LGMN: variants seen among roughly 807,000 people sequenced by gnomAD.
LGMN encodes asparaginyl endopeptidase.
Under a neutral mutation model 56.8 loss-of-function variants are expected in LGMN, and 36 were observed. The observed-to-expected ratio is 0.63, with a 90% CI of 0.49 to 0.84. The LOEUF (loss-of-function observed/expected upper bound fraction) is 0.84, where lower values mean the gene tolerates loss of function less well. Among genes scored for constraint, LGMN ranks in the 40% least tolerant of loss-of-function variants. The pLI is 0.00. For synonymous variants in LGMN, 199 were observed against 210.1 expected (o/e 0.95, Z 0.46); for missense variants, 446 against 556.1 (o/e 0.80, Z 1.99).
chr14:92,744,301 A>G (rs1891718815), intron 1 of LGMN, among the ~76,000 whole-genome samples: 1 of 152,146 alleles, frequency 6.6e-6, no homozygotes, highest in Non-Finnish European at 1.5e-5. Context: ...AATTTATAGG[A>G]GTTATTTTAT....
Position 92,716,180 on chromosome 14 carries a change from A to T in LGMN, c.360T>A (p.Asp120Glu). The change falls in exon 5 of 14, where the codon GAT becomes GAA. Residue 120 changes from aspartate to glutamate, a missense_variant. Physicochemically the swap from Asp to Glu is conservative, Grantham distance 45. Coordinates refer to ENST00000334869, the MANE Select transcript of LGMN (RefSeq NM_005606.7). ...PQNFLAVLRG[D>E]AEAVKGIGSG... ...ATCCTATGCCCTTCACTGCTTCTGC[A>T]TCGCCTCTCAACACAGCAAGGAAAT... 1 of 1,613,674 alleles carries T rather than the reference A, an allele frequency of 6.2e-7. No homozygotes were observed. Among genetic ancestry groups the T allele is most frequent in the Non-Finnish European group, 8.5e-7 (1 of 1,179,622 alleles).
At chr14:92,706,684 C>T (rs1314701826) in intron 11 of LGMN, 31 bp from the exon 12 acceptor site, 2 of 1,531,548 alleles carry the variant, frequency 1.3e-6, no homozygotes, top group Middle Eastern at 1.8e-4. Context: ...TCAGAATGTG[C>T]CTCCCTGAAT....
intron 2 of LGMN, among the ~76,000 whole-genome samples, chr14:92,724,746 G>A (rs767100118): frequency 1.3e-4 from 20 of 152,196 alleles, no homozygotes; most frequent in Non-Finnish European, 2.9e-4. Flanking sequence ...CCCGTGATTT[G>A]CCGATAGGGC....
chr14:92,743,843 C>T (rs570081677), intron 1 of LGMN, among the ~76,000 whole-genome samples: 1 of 151,548 alleles, frequency 6.6e-6, no homozygotes, highest in African/African-American at 2.4e-5. Flanking sequence ...CATCATCATC[C>T]AACTAGATCT....
At chr14:92,736,422 C>G (rs1011410388) in intron 1 of LGMN, among the ~76,000 whole-genome samples, 1 of 152,000 alleles carries the variant, frequency 6.6e-6, no homozygotes, top group Admixed American at 6.6e-5. Context: ...AAGGTGAAAC[C>G]CTGTCTCTAC....
chr14:92,704,310 G>A lies in LGMN; in HGVS notation c.*9C>T. Reference sequence around the variant, plus strand: ...CTCACACTTGGAAAAGCTTCCAGGAGGCAGCTCTTCAGTAGTGACCAAGGC... The same window carrying A: ...CTCACACTTGGAAAAGCTTCCAGGAAGCAGCTCTTCAGTAGTGACCAAGGC... On this transcript the variant is annotated 3_prime_UTR_variant, in exon 14 of 14. Coordinates refer to ENST00000334869, the MANE Select transcript of LGMN (RefSeq NM_005606.7). The A allele has an allele frequency of 6.2e-7, 1 of 1,614,118 alleles. No individual in the cohort carries two copies. The highest frequency in any genetic ancestry group is 8.5e-7 in the Non-Finnish European group (1 of 1,180,000).
chr14:92,732,728 A>G lies in LGMN; in HGVS notation c.59T>C (p.Ile20Thr), dbSNP rs113153582. ...CTTGCCTCCATCTTCAGGATCATCT[A>G]TAGGAACGGCACCAATGCCCAGGGC... ...SVALGIGAVP[I>T]DDPEDGGKHW... The change falls in exon 2 of 14, where the codon ATA (isoleucine) becomes ACA (threonine). Residue 20 changes from isoleucine to threonine, a missense_variant. Coordinates refer to ENST00000334869, the MANE Select transcript of LGMN (RefSeq NM_005606.7). 9.3e-6 allele frequency: 15 copies of G among 1,614,182 alleles called. No individual in the cohort carries two copies. The highest frequency in any genetic ancestry group is 1.3e-5 in the African/African-American group (1 of 75,050).
chr14:92,738,875 T>A (rs1343379086), intron 1 of LGMN, among the ~76,000 whole-genome samples: 1 of 151,492 alleles, frequency 6.6e-6, no homozygotes, highest in African/African-American at 2.4e-5. Flanking sequence ...AAAAATTAGC[T>A]GGGCGTGGTG....
intron 11 of LGMN, among the ~76,000 whole-genome samples, chr14:92,708,806 G>A (rs927050499): frequency 5.3e-5 from 7 of 131,672 alleles, no homozygotes; most frequent in African/African-American, 2.0e-4. Flanking sequence ...GCAGTGAGCC[G>A]AGATCACACC....
intron 1 of LGMN, among the ~76,000 whole-genome samples, chr14:92,747,911 G>A (rs1566941119): frequency 6.6e-6 from 1 of 152,188 alleles, no homozygotes; most frequent in Non-Finnish European, 1.5e-5. Flanking sequence ...ATAGGGACGG[G>A]AAAGGAAACC....
chr14:92,719,326 A>ACCG (rs1187451751), intron 2 of LGMN, among the ~76,000 whole-genome samples: 29 of 80,048 alleles, frequency 3.6e-4, no homozygotes, highest in African/African-American at 1.8e-3. Flanking sequence ...CGCCGCCGCC[A>ACCG]CCGCCACCGC....
intron 11 of LGMN, 37 bp downstream of exon 11, chr14:92,709,635 A>G: frequency 6.4e-7 from 1 of 1,573,492 alleles, no homozygotes; most frequent in Non-Finnish European, 8.7e-7. Context: ...TGGGCTGGGG[A>G]CAGCACCTGG....
chr14:92,705,014 C>T (rs1212965578), intron 12 of LGMN: 1 of 307,534 alleles, frequency 3.3e-6, no homozygotes, highest in African/African-American at 2.1e-5. Flanking sequence ...TGGGATCTCC[C>T]CGGGAAGTCT....
chr14:92,704,032 G>T lies in LGMN; in HGVS notation c.*287C>A, dbSNP rs10465. On this transcript the variant is annotated 3_prime_UTR_variant, in exon 14 of 14. Coordinates refer to ENST00000334869, the MANE Select transcript of LGMN (RefSeq NM_005606.7). The stretch of plus-strand genomic sequence containing the variant: ...CTACAGAAGCCCCCATGAGCTTCCT[G>T]CTCCTCAAAACTAACAGGCAAAACA... 1,611 of 693,906 alleles carry T rather than the reference G, an allele frequency of 2.3e-3. 20 individuals carry two copies. In the African/African-American group the frequency reaches 0.024, roughly 10 times the overall value. The allele number at this position is 693,906 out of a possible 1,614,324, so 43.0% of individuals were successfully genotyped here.
chr14:92,711,859 T>G lies in LGMN; in HGVS notation c.707A>C (p.Asn236Thr), dbSNP rs189805476. 6.2e-7 allele frequency: 1 copy of G among 1,613,770 alleles called. No homozygotes were observed. The highest frequency in any genetic ancestry group is 1.1e-5 in the South Asian group (1 of 91,078). The change falls in exon 9 of 14, where the codon AAC (asparagine) becomes ACC (threonine). Residue 236 changes from asparagine to threonine, a missense_variant. By Grantham distance (65) the Asn-to-Thr change is moderately conservative (BLOSUM62 0). Coordinates refer to ENST00000334869, the MANE Select transcript of LGMN (RefSeq NM_005606.7). The stretch of plus-strand genomic sequence containing the variant: ...CACCACGTCCGAATCTTCCATCCAG[T>G]TGACGCTGTACCAGTCCCCCAGGTA... ...STYLGDWYSV[N>T]WMEDSDVEDL...
chr14:92,746,909 G>A lies in LGMN; in HGVS notation c.-30+1580C>T, dbSNP rs529659566. 2.3e-4 allele frequency among the ~76,000 whole-genome samples: 35 copies of A among 152,104 alleles called. No homozygotes were observed. The South Asian group carries it at 6.8e-3, about 30-fold the overall frequency. The stretch of plus-strand genomic sequence containing the variant: ...AAATTAGCCGGGCGTGGTGGCGGGC[G>A]CCTGTAGTCCTAGCTACTCGGGAGG... On this transcript the variant is annotated intron_variant, in intron 1 of 13. Coordinates refer to ENST00000334869, the MANE Select transcript of LGMN (RefSeq NM_005606.7).
In LGMN at chr14:92,709,864, G is replaced by A. The variant is rs751357826; in HGVS notation, c.828C>T (p.Ser276=). Residue 276 remains serine (S), a synonymous_variant, in exon 11 of 14, where the codon TCC becomes TCT. Coordinates refer to ENST00000334869, the MANE Select transcript of LGMN (RefSeq NM_005606.7). The part of the protein sequence containing the change: ...HVMQYGNKTI[S]TMKVMQFQGM... ...CCTGAAACTGCATCACTTTCATGGT[G>A]GAGATTGTCTGGGGAGACAGACAGC... 2 of 1,603,810 alleles carry A rather than the reference G, an allele frequency of 1.2e-6. No homozygotes were observed. Among genetic ancestry groups the A allele is most frequent in the Non-Finnish European group, 1.7e-6 (2 of 1,173,770 alleles).
intron 2 of LGMN, among the ~76,000 whole-genome samples, chr14:92,724,079 T>C (rs1370499438): frequency 2.0e-5 from 3 of 152,236 alleles, no homozygotes; most frequent in Admixed American, 1.3e-4. Flanking sequence ...TGATTTATAG[T>C]GATGTTTGCA....
chr14:92,746,053 C>T (rs1891806469), intron 1 of LGMN, among the ~76,000 whole-genome samples: 1 of 152,122 alleles, frequency 6.6e-6, no homozygotes, highest in East Asian at 1.9e-4. Context: ...GATCTCCTGA[C>T]GTCATGATCC....
Sources: gnomAD v4.1 joint callset for allele counts (sites outside exome capture counted in the v4.1 genomes callset) on GRCh38, gnomAD v4.1.1 for gene constraint, MANE v1.5 for transcripts, NCBI Gene and HGNC (gene_info 2026-07-23, HGNC 2026-07-21) for gene names.